Variants in TAF5L observed in about 807,000 individuals in gnomAD.
TAF5L encodes TATA-box binding protein associated factor 5 like, also known as TAF5-like RNA polymerase II p300/CBP-associated factor-associated factor 65 kDa subunit 5L.
TAF5L carries 7 observed loss-of-function variants against 51.3 expected under a neutral mutation model. The ratio of observed to expected loss-of-function variants is 0.14; its 90% CI spans 0.08 to 0.26. TAF5L has a LOEUF of 0.26. TAF5L is among the 10% of genes least tolerant of loss of function. TAF5L has a pLI of 1.00. For synonymous variants in TAF5L, 291 were observed against 308.1 expected (o/e 0.94, Z 0.58); for missense variants, 575 against 758.9 (o/e 0.76, Z 2.85).
chr1:229,619,381 T>C (rs535076434), intron 1 of TAF5L, among the ~76,000 whole-genome samples: 7 of 152,328 alleles, frequency 4.6e-5, no homozygotes, highest in African/African-American at 1.7e-4. Flanking sequence ...AGCTGTGTTT[T>C]TTCCCATGGT....
At chr1:229,624,298 CAAAG>C (rs1232259223) in intron 1 of TAF5L, among the ~76,000 whole-genome samples, 1 of 152,028 alleles carries the variant, frequency 6.6e-6, no homozygotes, top group African/African-American at 2.4e-5. Flanking sequence ...TTGTTGATGA[CAAAG>C]AAAAATACTC....
intron 1 of TAF5L, among the ~76,000 whole-genome samples, chr1:229,623,851 G>GGGT: frequency 6.6e-6 from 1 of 152,312 alleles, no homozygotes; most frequent in Non-Finnish European, 1.5e-5. Context: ...AAGGGTCTGA[G>GGGT]CTCTCACCTT....
At chr1:229,596,443 T>C (rs1664129719) in intron 4 of TAF5L, among the ~76,000 whole-genome samples, 1 of 152,166 alleles carries the variant, frequency 6.6e-6, no homozygotes, top group Admixed American at 6.5e-5. Context: ...GCTTAGTGTT[T>C]CAAAATAAAT....
Position 229,614,505 on chromosome 1 carries a change from A to G in TAF5L, c.-3-20T>C, listed in dbSNP as rs759743697. 2.5e-6 allele frequency: 4 copies of G among 1,612,362 alleles called. No individual in the cohort carries two copies. The South Asian group carries it at 4.4e-5, about 18-fold the overall frequency. On this transcript the variant is annotated intron_variant, in intron 1 of 4. Coordinates refer to ENST00000258281, the Ensembl canonical transcript of TAF5L. ...CATGACCTTCAAGGGAGGCAACGAC[A>G]GGATACAGAGACATCAGGGGCCTGG...
exon 5 of TAF5L, chr1:229,595,020 C>G: frequency 2.5e-6 from 4 of 1,614,190 alleles, no homozygotes; most frequent in South Asian, 2.2e-5. Flanking sequence ...CCGCGAGGAA[C>G]CTCGTGCTGT....
chr1:229,607,182 C>T, intron 3 of TAF5L: 1 of 982,556 alleles, frequency 1.0e-6, no homozygotes, highest in Non-Finnish European at 1.2e-6. Flanking sequence ...CCATCGTCAC[C>T]TCTTCTTCCT....
intron 2 of TAF5L, 87 bp from the exon 3 acceptor site, chr1:229,610,297 G>A: frequency 8.0e-7 from 1 of 1,246,048 alleles, no homozygotes; most frequent in Non-Finnish European, 1.2e-6. Context: ...GAAGGAGGGT[G>A]TTGTGCACAC....
At chr1:229,619,795 G>A (rs1202001236) in intron 1 of TAF5L, among the ~76,000 whole-genome samples, 2 of 152,006 alleles carry the variant, frequency 1.3e-5, no homozygotes, top group African/African-American at 4.8e-5. Flanking sequence ...CCTCCTACTT[G>A]AAACTCTCTT....
chr1:229,615,063 G>A (rs115406113), intron 1 of TAF5L, among the ~76,000 whole-genome samples: 1,936 of 152,268 alleles, frequency 0.013, 39 homozygotes, highest in African/African-American at 0.045. Context: ...TGCAAAATGT[G>A]TTTTCATTTT....
At chr1:229,613,871 A>C (rs577974192) in intron 2 of TAF5L, among the ~76,000 whole-genome samples, 1 of 152,314 alleles carries the variant, frequency 6.6e-6, no homozygotes, top group East Asian at 1.9e-4. Context: ...AACTTCAGGA[A>C]TGTGTCTATA....
rs1219240235 is a variant in TAF5L at position 229,594,930 on chromosome 1, C to T, written c.1137G>A (p.Leu379=). The change falls in exon 5 of 5, where the codon TTG becomes TTA. Residue 379 remains leucine, a synonymous_variant. Coordinates refer to ENST00000258281, the Ensembl canonical transcript of TAF5L. The surrounding 1 kb of genome is among the most constrained non-coding windows in gnomAD (Gnocchi z 7.9). ...ACACAGGATAGGCATGTCCTTGGTACAACACAGTGTTGGTGAAACTCCCCA... is the reference window on the plus strand; with the variant it reads ...ACACAGGATAGGCATGTCCTTGGTATAACACAGTGTTGGTGAAACTCCCCA... 8.7e-6 allele frequency: 14 copies of T among 1,614,084 alleles called. No individual in the cohort carries two copies. The Admixed American group carries it at 2.0e-4, about 23-fold the overall frequency.
At chr1:229,622,799 G>C (rs1665263901) in intron 1 of TAF5L, among the ~76,000 whole-genome samples, 1 of 151,906 alleles carries the variant, frequency 6.6e-6, no homozygotes, top group African/African-American at 2.4e-5. Context: ...TTTTTTTGTA[G>C]AGACGGAGTC....
chr1:229,612,798 C>T (rs746743048), intron 2 of TAF5L, among the ~76,000 whole-genome samples: 2 of 152,044 alleles, frequency 1.3e-5, no homozygotes, highest in Non-Finnish European at 1.5e-5. Context: ...AGGATGAAAC[C>T]ATTAAGAAAT....
chr1:229,599,883 A>G (rs1664301872), intron 4 of TAF5L: 1 of 985,480 alleles, frequency 1.0e-6, no homozygotes, highest in Admixed American at 6.1e-5. Context: ...ATTGCTTCAA[A>G]AAGATGAAAG....
intron 2 of TAF5L, among the ~76,000 whole-genome samples, chr1:229,611,334 C>A (rs1483982910): frequency 6.6e-6 from 1 of 152,068 alleles, no homozygotes; most frequent in Non-Finnish European, 1.5e-5. Flanking sequence ...GTGGGGAACA[C>A]CGGGGAAAGA....
chr1:229,617,738 G>A (rs1011122142), intron 1 of TAF5L, among the ~76,000 whole-genome samples: 6 of 152,144 alleles, frequency 3.9e-5, no homozygotes, highest in African/African-American at 7.2e-5. Flanking sequence ...TAAACAGAAC[G>A]GAGTAAGAAT....
exon 5 of TAF5L, chr1:229,595,055 G>A (rs770405917): frequency 2.5e-6 from 4 of 1,611,728 alleles, no homozygotes; most frequent in Non-Finnish European, 3.4e-6. Context: ...TGGCCCCGCA[G>A]TATCTTCATC....
intron 1 of TAF5L, among the ~76,000 whole-genome samples, chr1:229,614,739 T>C (rs1006974464): frequency 1.3e-5 from 2 of 152,188 alleles, no homozygotes; most frequent in African/African-American, 4.8e-5. Context: ...ATAAAGTCCT[T>C]AGATCACCCC....
chr1:229,596,075 G>T (rs1664113451), intron 4 of TAF5L, among the ~76,000 whole-genome samples: 1 of 152,160 alleles, frequency 6.6e-6, no homozygotes, highest in Admixed American at 6.5e-5. Context: ...GGAGTTGGGA[G>T]ACCAGCCTGG....
Sources: gnomAD v4.1 joint callset for allele counts (sites outside exome capture counted in the v4.1 genomes callset) on GRCh38, gnomAD v4.1.1 for gene constraint, Gnocchi (gnomAD v3.1) non-coding constraint, MANE v1.5 for transcripts, NCBI Gene and HGNC (gene_info 2026-07-23, HGNC 2026-07-21) for gene names.